ANO2: variants seen among roughly 807,000 people sequenced by gnomAD.
ANO2 encodes anoctamin-2.
In ANO2, 101 loss-of-function variants were observed where a neutral mutation model predicts 124.2. The ratio of observed to expected loss-of-function variants is 0.81; its 90% CI spans 0.69 to 0.96. ANO2 has a LOEUF of 0.96. Among genes scored for constraint, ANO2 ranks in the 40% least tolerant of loss-of-function variants. The pLI, the probability that ANO2 is intolerant of heterozygous loss-of-function variation, is 0.00. For synonymous variants in ANO2, 486 were observed against 482.5 expected (o/e 1.01, Z -0.09); for missense variants, 1,293 against 1,274.5 (o/e 1.01, Z -0.22).
chr12:5,923,263 C>T (rs1484946769), intron 1 of ANO2, among the ~76,000 whole-genome samples: 14 of 108,512 alleles, frequency 1.3e-4, no homozygotes, highest in South Asian at 6.6e-4. Flanking sequence ...CACATACACA[C>T]ACACACACAC....
At chr12:5,880,617 T>C (rs567409858) in intron 3 of ANO2, among the ~76,000 whole-genome samples, 2 of 152,154 alleles carry the variant, frequency 1.3e-5, no homozygotes, top group Admixed American at 1.3e-4. Context: ...GAGTCAACTG[T>C]TTCAAATGCA....
chr12:5,721,188 C>G (rs1478965061), intron 14 of ANO2, among the ~76,000 whole-genome samples: 4 of 152,136 alleles, frequency 2.6e-5, no homozygotes, highest in Non-Finnish European at 4.4e-5. Context: ...TCCTACCATG[C>G]ACACTCACAT....
intron 3 of ANO2, among the ~76,000 whole-genome samples, chr12:5,907,104 T>G (rs933550988): frequency 7.2e-5 from 11 of 152,206 alleles, no homozygotes; most frequent in African/African-American, 2.2e-4. Context: ...TAAGCTTCCT[T>G]CTCAACAAAG....
intron 3 of ANO2, among the ~76,000 whole-genome samples, chr12:5,869,719 A>G (rs181255800): frequency 6.6e-6 from 1 of 152,264 alleles, no homozygotes; most frequent in East Asian, 1.9e-4. Flanking sequence ...GATGAGGCGG[A>G]TGTGTCCCTC....
upstream of ANO2, among the ~76,000 whole-genome samples, chr12:5,945,514 G>A (rs1943068534): frequency 6.6e-6 from 1 of 152,244 alleles, no homozygotes. Flanking sequence ...GGGCGAGACA[G>A]TAAACGCTCC....
chr12:5,655,266 G>C (rs545246711), intron 14 of ANO2, among the ~76,000 whole-genome samples: 1 of 152,188 alleles, frequency 6.6e-6, no homozygotes, highest in South Asian at 2.1e-4. Context: ...CCCTCTTGTT[G>C]ACTGCCAGTC....
At position 5,710,219 on chromosome 12, in the gene ANO2, C is replaced by T. The variant is rs560765426; in HGVS notation, c.1545+22301G>A. On this transcript the variant is annotated intron_variant, in intron 14 of 24. Transcript: ENST00000682330. ...AGGTGATTGCTGTGGAGAGAGGGGACAGGCCCTGGCTGCTGCAAGAGCAGC... is the reference window on the plus strand; with the variant it reads ...AGGTGATTGCTGTGGAGAGAGGGGATAGGCCCTGGCTGCTGCAAGAGCAGC... 7.2e-5 allele frequency among the ~76,000 whole-genome samples: 11 copies of T among 152,308 alleles called. 1 individual carries two copies. The South Asian group carries it at 2.1e-3, about 29-fold the overall frequency.
In ANO2 at chr12:5,635,293, C is replaced by T; in HGVS notation, c.1675G>A (p.Ala559Thr). The T allele has an allele frequency of 6.2e-7, 1 of 1,608,146 alleles. No homozygotes were observed. The highest frequency in any genetic ancestry group is 8.5e-7 in the Non-Finnish European group (1 of 1,178,266). Residue 559 changes from alanine (A) to threonine (T), a missense_variant, in exon 16 of 25, where the codon GCA (alanine) becomes ACA (threonine). By Grantham distance (58) the Ala-to-Thr change is moderately conservative. Coordinates refer to ENST00000682330, the MANE Select transcript of ANO2 (RefSeq NM_001364791.2). The surrounding 1 kb of genome is among the most constrained non-coding windows in gnomAD (Gnocchi z 5.2). ...GCCTTATTGAGAGACAGAGCGGCTG[C>T]AGTTGTTATTCGATACACTATCACC... is the stretch of plus-strand genomic sequence containing the variant. ...FGVIVYRITT[A>T]AALSLNKATR...
At chr12:5,876,987 G>T (rs1412023224) in intron 3 of ANO2, among the ~76,000 whole-genome samples, 4 of 152,154 alleles carry the variant, frequency 2.6e-5, no homozygotes, top group African/African-American at 4.8e-5. Flanking sequence ...TTTTAAAAAA[G>T]ACAGTAAATA....
intron 12 of ANO2, among the ~76,000 whole-genome samples, chr12:5,743,024 G>A (rs2137081048): frequency 6.6e-6 from 1 of 152,132 alleles, no homozygotes; most frequent in African/African-American, 2.4e-5. Context: ...GTGTGCCCTG[G>A]AAATTTTTAT....
At chr12:5,903,647 A>ATATGTG (rs1555181032) in intron 3 of ANO2, among the ~76,000 whole-genome samples, 1 of 148,452 alleles carries the variant, frequency 6.7e-6, no homozygotes, top group Non-Finnish European at 1.5e-5. Flanking sequence ...ATGTGCAAAG[A>ATATGTG]TGTGTGTGTG....
rs251762 is a variant in ANO2, at chr12:5,672,571, C to T, written c.1546-24770G>A. 3.2e-3 allele frequency among the ~76,000 whole-genome samples: 482 copies of T among 152,352 alleles called. 3 individuals carry two copies. Among genetic ancestry groups the T allele is most frequent in the African/African-American group, 0.011 (465 of 41,582 alleles). ...TGGAGGTCAGCTACCTGGTTTAAGG[C>T]AGTCAGCTCGTGTGTGTGTGTGTGT... On this transcript the variant is annotated intron_variant, in intron 14 of 24. Transcript: ENST00000682330.
chr12:5,796,522 C>A (rs570013154), intron 10 of ANO2, among the ~76,000 whole-genome samples: 2 of 152,084 alleles, frequency 1.3e-5, no homozygotes, highest in South Asian at 4.2e-4. Flanking sequence ...CGAACACATT[C>A]TCACACTCAC....
At chr12:5,937,487 A>G (rs1267537942) in intron 1 of ANO2, among the ~76,000 whole-genome samples, 3 of 152,114 alleles carry the variant, frequency 2.0e-5, no homozygotes, top group African/African-American at 4.8e-5. Context: ...CAGTTGCCAA[A>G]TATTTCCTTC....
rs1274599378 is a variant in ANO2 at position 5,658,048 on chromosome 12, T to C, written c.1546-10247A>G. 8.6e-5 allele frequency among the ~76,000 whole-genome samples: 13 copies of C among 151,394 alleles called. No homozygotes were observed. In the Admixed American group the frequency reaches 8.6e-4, roughly 10 times the overall value. Reference sequence around the variant, plus strand: ...ACATTTGAGAAAAAATATTATTTGCTCATTTGTCTTTCTCTCCCTCTCCTC... The same window carrying C: ...ACATTTGAGAAAAAATATTATTTGCCCATTTGTCTTTCTCTCCCTCTCCTC... On this transcript the variant is annotated intron_variant, in intron 14 of 24. Coordinates refer to ENST00000682330, the MANE Select transcript of ANO2 (RefSeq NM_001364791.2). The surrounding 1 kb of genome is among the most constrained non-coding windows in gnomAD (Gnocchi z 4.3).
Position 5,859,864 on chromosome 12 carries a change from T to G in ANO2, c.535-5723A>C, listed in dbSNP as rs114631397. Reference sequence around the variant, plus strand: ...ATTTCTTTTAACTCATGATGTCCACTGGTTTCCCAGACCTGTCCTCCACTA... The same window carrying G: ...ATTTCTTTTAACTCATGATGTCCACGGGTTTCCCAGACCTGTCCTCCACTA... On this transcript the variant is annotated intron_variant, in intron 3 of 24. Transcript: ENST00000682330. 1.4e-3 allele frequency among the ~76,000 whole-genome samples: 206 copies of G among 152,270 alleles called. 1 individual carries two copies. The highest frequency in any genetic ancestry group is 4.8e-3 in the African/African-American group (200 of 41,552).
chr12:5,871,905 C>G (rs1937730620), intron 3 of ANO2, among the ~76,000 whole-genome samples: 1 of 152,180 alleles, frequency 6.6e-6, no homozygotes, highest in African/African-American at 2.4e-5. Flanking sequence ...GAAAGTCCAG[C>G]TTGTCCTACT....
intron 20 of ANO2, among the ~76,000 whole-genome samples, chr12:5,590,517 C>T (rs1943343121): frequency 1.3e-5 from 2 of 152,168 alleles, no homozygotes; most frequent in South Asian, 2.1e-4. Flanking sequence ...GAAATGTTTC[C>T]CCGAAATGGA....
intron 20 of ANO2, among the ~76,000 whole-genome samples, chr12:5,590,000 G>A (rs957209143): frequency 6.6e-6 from 1 of 152,010 alleles, no homozygotes; most frequent in Non-Finnish European, 1.5e-5. Flanking sequence ...GCAGTGGCGA[G>A]ACGGTGGTGG....
Sources: gnomAD v4.1 joint callset for allele counts (sites outside exome capture counted in the v4.1 genomes callset) on GRCh38, gnomAD v4.1.1 for gene constraint, Gnocchi (gnomAD v3.1) non-coding constraint, MANE v1.5 for transcripts, NCBI Gene and HGNC (gene_info 2026-07-23, HGNC 2026-07-21) for gene names.